Variants in MYOM2 observed in about 807,000 individuals in gnomAD.
The protein encoded by MYOM2 is myomesin 2, also known as myomesin-2.
A neutral mutation model predicts 187.6 loss-of-function variants in MYOM2; 254 were observed. The observed-to-expected ratio is 1.35, with a 90% confidence interval of 1.22 to 1.50. MYOM2 has a LOEUF of 1.50. Ranked by LOEUF, MYOM2 falls within the 40% of genes most tolerant of loss-of-function variation. The probability of loss-of-function intolerance (pLI) is 0.00; values close to 1 mark genes in which losing one functional copy is unlikely to be tolerated. For missense variants in MYOM2, 2,796 were observed against 1,924.0 expected (o/e 1.45, Z -8.48); for synonymous variants, 981 against 753.8 (o/e 1.30, Z -4.94).
chr8:2,105,064 G>C (rs1397882052), intron 21 of MYOM2, among the ~76,000 whole-genome samples: 4 of 152,086 alleles, frequency 2.6e-5, no homozygotes, highest in African/African-American at 7.2e-5. Flanking sequence ...AGGCATGAGT[G>C]CTGCCCCCAG....
At chr8:2,096,976 AC>A in intron 18 of MYOM2, 1 of 249,084 alleles carries the variant, frequency 4.0e-6, no homozygotes, top group Non-Finnish European at 6.4e-6. Flanking sequence ...AGATCCAGAC[AC>A]CCCCTTGGCA....
chr8:2,055,516 G>A (rs1470818817), intron 3 of MYOM2, among the ~76,000 whole-genome samples: 2 of 152,150 alleles, frequency 1.3e-5, no homozygotes, highest in African/African-American at 2.4e-5. Flanking sequence ...TGTGGTCGGA[G>A]CGGGGACAGG....
chr8:2,139,655 C>T (rs1191248934), intron 32 of MYOM2, among the ~76,000 whole-genome samples: 1 of 152,180 alleles, frequency 6.6e-6, no homozygotes, highest in Non-Finnish European at 1.5e-5. Flanking sequence ...TGCGGCTGTT[C>T]TGGAGCTGGT....
chr8:2,047,673 C>T (rs1346528591), intron 1 of MYOM2, among the ~76,000 whole-genome samples: 1 of 152,174 alleles, frequency 6.6e-6, no homozygotes. Flanking sequence ...ATGAAGTGAG[C>T]AGGGAATACA....
At chr8:2,088,784 T>C (rs1796185438) in intron 14 of MYOM2, among the ~76,000 whole-genome samples, 1 of 152,242 alleles carries the variant, frequency 6.6e-6, no homozygotes, top group Non-Finnish European at 1.5e-5. Context: ...TACCCAGTAA[T>C]GGGATTGCTG....
chr8:2,136,013 G>C (rs1312880624), intron 32 of MYOM2, among the ~76,000 whole-genome samples: 1 of 152,202 alleles, frequency 6.6e-6, no homozygotes, highest in Non-Finnish European at 1.5e-5. Context: ...GCAGACGCAG[G>C]GACAGCGGGA....
intron 10 of MYOM2, 138 bp from the exon 11 acceptor site, chr8:2,076,003 C>G (rs923035417): frequency 5.5e-6 from 4 of 723,750 alleles, no homozygotes; most frequent in Non-Finnish European, 2.1e-6. Context: ...AAGAAATATT[C>G]TAGTACTTTG....
intron 23 of MYOM2, among the ~76,000 whole-genome samples, chr8:2,107,495 G>A (rs891013001): frequency 2.6e-5 from 4 of 152,126 alleles, no homozygotes; most frequent in Admixed American, 2.6e-4. Context: ...GAGAACATCC[G>A]ACCCAGGATC....
At chr8:2,047,699 G>A (rs956167445) in intron 1 of MYOM2, among the ~76,000 whole-genome samples, 2 of 152,184 alleles carry the variant, frequency 1.3e-5, no homozygotes, top group Non-Finnish European at 2.9e-5. Flanking sequence ...GGATAAACGT[G>A]GCAAAGTGCC....
chr8:2,094,605 C>A (rs979368689), intron 17 of MYOM2, among the ~76,000 whole-genome samples: 1 of 152,164 alleles, frequency 6.6e-6, no homozygotes, highest in Admixed American at 6.5e-5. Flanking sequence ...GAGCCAAGAT[C>A]GTGCCACTGT....
intron 13 of MYOM2, among the ~76,000 whole-genome samples, chr8:2,080,946 T>G (rs35829699): frequency 0.21 from 19,519 of 94,360 alleles, 1,808 homozygotes; most frequent in East Asian, 0.28. Flanking sequence ...AGCCCAGCCC[T>G]TGCAGAATGA....
chr8:2,075,187 C>A (rs562478998), intron 10 of MYOM2, among the ~76,000 whole-genome samples: 1 of 152,172 alleles, frequency 6.6e-6, no homozygotes, highest in African/African-American at 2.4e-5. Context: ...CCTGAGCTTG[C>A]GAGTCTGTGA....
chr8:2,127,526 T>C (rs1197177302), intron 31 of MYOM2, among the ~76,000 whole-genome samples: 2 of 152,188 alleles, frequency 1.3e-5, no homozygotes, highest in East Asian at 3.9e-4. Flanking sequence ...GTTTCCTCCT[T>C]TGCAGTGGAC....
At chr8:2,116,413 C>G in intron 27 of MYOM2, 138 bp downstream of exon 27, 1 of 791,084 alleles carries the variant, frequency 1.3e-6, no homozygotes. Flanking sequence ...TTAGGCTTAC[C>G]AACTGCATAG....
chr8:2,074,675 G>A (rs1270436039), intron 10 of MYOM2, among the ~76,000 whole-genome samples: 1 of 152,018 alleles, frequency 6.6e-6, no homozygotes, highest in African/African-American at 2.4e-5. Context: ...GGCTGGTCTC[G>A]AACTCTTGAT....
In MYOM2 at chr8:2,101,020, T is replaced by C. The variant is rs750518015; in HGVS notation, c.2585T>C (p.Val862Ala). 6.2e-7 allele frequency: 1 copy of C among 1,614,110 alleles called. No homozygotes were observed. The highest frequency in any genetic ancestry group is 1.1e-5 in the South Asian group (1 of 91,072). ...REEDAGEWIT[V>A]NQTTTASRYL... is the part of the protein sequence containing the mutation. ...GAGGATGCTGGAGAGTGGATCACTG[T>C]CAATCAGACGACAACAGCCAGCCGT... The change falls in exon 20 of 37, where the codon GTC becomes GCC. Residue 862 changes from valine to alanine, a missense_variant. Coordinates refer to ENST00000262113, the MANE Select transcript of MYOM2 (RefSeq NM_003970.4).
intron 16 of MYOM2, among the ~76,000 whole-genome samples, chr8:2,092,937 C>T (rs1360523325): frequency 6.6e-6 from 1 of 152,096 alleles, no homozygotes; most frequent in African/African-American, 2.4e-5. Flanking sequence ...GATGGAGACC[C>T]CACCGGGCGC....
At chr8:2,052,783 T>G (rs1818536462) in intron 3 of MYOM2, among the ~76,000 whole-genome samples, 1 of 151,990 alleles carries the variant, frequency 6.6e-6, no homozygotes, top group Non-Finnish European at 1.5e-5. Context: ...CGTGGAGGGG[T>G]GCACATTCAA....
chr8:2,086,358 C>CCCCCTACTGTCATGAT lies in MYOM2; in HGVS notation c.1644+969_1644+970insCCCTACTGTCATGATC, dbSNP rs1796050054. On this transcript the variant is annotated intron_variant, in intron 14 of 36. Coordinates refer to ENST00000262113, the MANE Select transcript of MYOM2 (RefSeq NM_003970.4). The stretch of plus-strand genomic sequence containing the variant: ...CCCCACTGTTGTGATCTCTGCGTGG[C>CCCCCTACTGTCATGAT]CTCCCACTGTTGTGATCTCTGCGTG... Among the ~76,000 whole-genome samples the CCCCCTACTGTCATGAT allele has an allele frequency of 4.1e-5, 4 of 97,526 alleles. 1 individual carries two copies. The highest frequency in any genetic ancestry group is 6.0e-5 in the Non-Finnish European group (3 of 50,008). The allele number at this position is 97,526 out of a possible 152,430, so 64.0% of individuals were successfully genotyped here. A position where few individuals can be genotyped will look rare whatever the true frequency, so the allele number is the denominator to read the frequency against.
Sources: gnomAD v4.1 joint callset for allele counts (sites outside exome capture counted in the v4.1 genomes callset) on GRCh38, gnomAD v4.1.1 for gene constraint, MANE v1.5 for transcripts, NCBI Gene and HGNC (gene_info 2026-07-23, HGNC 2026-07-21) for gene names.